ANK1: variants seen among roughly 807,000 people sequenced by gnomAD.
ANK1 encodes the protein ankyrin-1.
In ANK1, 51 loss-of-function variants were observed where a neutral mutation model predicts 210.4. That is an observed-to-expected ratio of 0.24 (90% CI 0.19 to 0.31). ANK1 has a LOEUF of 0.31. Among genes scored for constraint, ANK1 ranks in the 10% least tolerant of loss-of-function variants. ANK1 has a pLI of 1.00. For missense variants in ANK1, 2,051 were observed against 2,504.4 expected, an observed-to-expected ratio of 0.82 and a Z score of 3.86; for synonymous variants, 967 against 1,025.9, an observed-to-expected ratio of 0.94 and a Z score of 1.10.
intron 1 of ANK1, among the ~76,000 whole-genome samples, chr8:41,785,110 C>A (rs745888655): frequency 1.6e-4 from 24 of 152,224 alleles, no homozygotes; most frequent in Non-Finnish European, 2.8e-4. Flanking sequence ...GTAATCCCAG[C>A]ACTTTGGCAG....
At chr8:41,716,827 G>A (rs1385392663) in intron 13 of ANK1, 126 bp downstream of exon 13, 2 of 973,860 alleles carry the variant, frequency 2.1e-6, no homozygotes, top group African/African-American at 3.2e-5. Context: ...AGAGTGACCT[G>A]ATCAGGATGA....
chr8:41,843,248 G>A (rs893072025), intron 1 of ANK1, among the ~76,000 whole-genome samples: 3 of 152,180 alleles, frequency 2.0e-5, no homozygotes, highest in African/African-American at 7.2e-5. Context: ...CGTATATAAT[G>A]TGTAGTGATC....
intron 31 of ANK1, among the ~76,000 whole-genome samples, chr8:41,690,968 AT>A (rs1467756852): frequency 2.6e-5 from 4 of 152,244 alleles, no homozygotes; most frequent in Non-Finnish European, 5.9e-5. Context: ...CACGCCTGTA[AT>A]CCCTCCACTT....
At chr8:41,845,010 A>T (rs1044924946) in intron 1 of ANK1, among the ~76,000 whole-genome samples, 2 of 152,228 alleles carry the variant, frequency 1.3e-5, no homozygotes, top group Admixed American at 6.5e-5. Flanking sequence ...GCCTCTACTC[A>T]GCAGATAGAC....
intron 1 of ANK1, among the ~76,000 whole-genome samples, chr8:41,895,548 C>T (rs1475678557): frequency 6.6e-6 from 1 of 152,070 alleles, no homozygotes; most frequent in Non-Finnish European, 1.5e-5. Context: ...TCTTTGCGGG[C>T]CTATTTTGTC....
At chr8:41,727,583 C>A (rs1586507813) in intron 4 of ANK1, among the ~76,000 whole-genome samples, 2 of 152,234 alleles carry the variant, frequency 1.3e-5, no homozygotes, top group African/African-American at 2.4e-5. Context: ...CTCACATACT[C>A]CTCATTGATT....
intron 37 of ANK1, among the ~76,000 whole-genome samples, chr8:41,675,614 A>G (rs1348069392): frequency 6.6e-6 from 1 of 152,204 alleles, no homozygotes; most frequent in East Asian, 1.9e-4. Context: ...GACATTCAAT[A>G]AATGTGTATC....
intron 1 of ANK1, among the ~76,000 whole-genome samples, chr8:41,853,717 C>A (rs1811668705): frequency 6.6e-6 from 1 of 152,138 alleles, no homozygotes; most frequent in Non-Finnish European, 1.5e-5. Context: ...CACAAGCTCA[C>A]TTTCCCTTGG....
In ANK1 at chr8:41,723,562, C is replaced by T; in HGVS notation, c.783G>A (p.Arg261=). 1.2e-6 allele frequency: 2 copies of T among 1,614,050 alleles called. No homozygotes were observed. Among genetic ancestry groups the T allele is most frequent in the Non-Finnish European group, 1.7e-6 (2 of 1,179,972 alleles). The change falls in exon 8 of 43, where the codon CGG becomes CGA. Residue 261 remains arginine (R), a synonymous_variant. Transcript: ENST00000289734. ...NVIMVRLLLD[R]GAQIETKTKD... ...TGGTCTTGGTTTCTATCTGGGCTCC[C>T]CGATCCAGCAGCAGCCGCACCATGA...
In ANK1 at chr8:41,703,422, G is replaced by GTATATATATATA. The variant is rs57077078; in HGVS notation, c.2295+607_2295+618dup. On this transcript the variant is annotated intron_variant, in intron 20 of 42. Coordinates refer to ENST00000289734, the MANE Select transcript of ANK1 (RefSeq NM_000037.4). Reference sequence around the variant, plus strand: ...TATATGTGTGTGTGTGTGTGTGTGTGTATATATATATATATATATATATAT... The same window carrying GTATATATATATA: ...TATATGTGTGTGTGTGTGTGTGTGTGTATATATATATATATATATATATATATATATATATAT... Among the ~76,000 whole-genome samples the GTATATATATATA allele has an allele frequency of 6.6e-3, 355 of 53,652 alleles. 20 individuals are homozygous for GTATATATATATA. Among genetic ancestry groups the GTATATATATATA allele is most frequent in the East Asian group, 0.014 (24 of 1,748 alleles). The allele number at this position is 53,652 out of a possible 152,430, so 35.2% of individuals were successfully genotyped here.
chr8:41,810,170 G>A (rs1390366093), intron 1 of ANK1, among the ~76,000 whole-genome samples: 1 of 152,202 alleles, frequency 6.6e-6, no homozygotes, highest in African/African-American at 2.4e-5. Flanking sequence ...AGGGCATTTA[G>A]ACACCCAAAC....
intron 1 of ANK1, among the ~76,000 whole-genome samples, chr8:41,822,132 GAGAA>G (rs71239083): frequency 0.13 from 5,273 of 40,670 alleles, 256 homozygotes; most frequent in East Asian, 0.18. Context: ...GAGAAAGAAA[GAGAA>G]AGAAAGAAAG....
Position 41,686,132 on chromosome 8 carries a change from C to G in ANK1, c.4390+20G>C. 4 of 1,614,220 alleles carry G rather than the reference C, an allele frequency of 2.5e-6. No individual in the cohort carries two copies. The highest frequency in any genetic ancestry group is 3.4e-6 in the Non-Finnish European group (4 of 1,180,050). On this transcript the variant is annotated intron_variant, in intron 36 of 42. Transcript: ENST00000289734. The stretch of plus-strand genomic sequence containing the variant: ...GGGAGGAGGTCCTAGGACAGGCTTC[C>G]TCAGTGGGACGGTACTGACTGTTTG...
chr8:41,769,983 T>C (rs1183133883), intron 1 of ANK1, among the ~76,000 whole-genome samples: 13 of 142,218 alleles, frequency 9.1e-5, no homozygotes, highest in South Asian at 4.6e-4. Flanking sequence ...TTTTCTTTTT[T>C]TTTTTTTTTT....
In ANK1 at chr8:41,725,932, A is replaced by G; in HGVS notation, c.441T>C (p.Pro147=). Residue 147 remains proline, a synonymous_variant, in exon 6 of 43, where the codon CCT becomes CCC. Transcript: ENST00000289734. The stretch of plus-strand genomic sequence containing the variant: ...GGCCCTGCTGCAGGGCTACCGCCAG[A>G]GGCGTGAAGCCGTCCTGGCCAGAGG... ...QNVATEDGFT[P]LAVALQQGHE... is the part of the protein sequence containing the mutation. 6.2e-7 allele frequency: 1 copy of G among 1,613,630 alleles called. No homozygotes were observed. Among genetic ancestry groups the G allele is most frequent in the East Asian group, 2.2e-5 (1 of 44,876 alleles).
intron 1 of ANK1, among the ~76,000 whole-genome samples, chr8:41,854,435 A>C (rs1366195944): frequency 1.3e-5 from 2 of 152,172 alleles, no homozygotes; most frequent in Non-Finnish European, 1.5e-5. Flanking sequence ...TTGTCTGGAG[A>C]CCCAGAAAGG....
In ANK1 at chr8:41,836,099, C is replaced by CA. The variant is rs574409739; in HGVS notation, c.126+60255dup. ...CTTCCCCTGGAACTCTCAGGGACGA[C>CA]ACAGCTGTCAGAGGCCCCAGCAAGT... On this transcript the variant is annotated intron_variant, in intron 1 of 42. Transcript: ENST00000265709. Among the ~76,000 whole-genome samples the CA allele has an allele frequency of 2.9e-4, 44 of 152,354 alleles. No homozygotes were observed. The East Asian group carries it at 8.1e-3, about 28-fold the overall frequency.
At chr8:41,746,818 A>G (rs1425132206) in intron 2 of ANK1, among the ~76,000 whole-genome samples, 1 of 151,368 alleles carries the variant, frequency 6.6e-6, no homozygotes, top group Admixed American at 6.6e-5. Context: ...ATCTAAGAAT[A>G]TCTCCTATGG....
At chr8:41,847,434 G>A (rs1354303451) in intron 1 of ANK1, among the ~76,000 whole-genome samples, 2 of 152,194 alleles carry the variant, frequency 1.3e-5, no homozygotes, top group Non-Finnish European at 2.9e-5. Flanking sequence ...CGGGGAAAAC[G>A]GTCTTCACAG....
Sources: gnomAD v4.1 joint callset for allele counts (sites outside exome capture counted in the v4.1 genomes callset) on GRCh38, gnomAD v4.1.1 for gene constraint, MANE v1.5 for transcripts, NCBI Gene and HGNC (gene_info 2026-07-23, HGNC 2026-07-21) for gene names.